The following JAZF1 variants were observed in gnomAD, a reference collection of about 807,000 sequenced individuals.
JAZF1 encodes the protein juxtaposed with another zinc finger protein 1.
JAZF1 carries 8 observed loss-of-function variants against 26.4 expected under a neutral mutation model. The ratio of observed to expected loss-of-function variants is 0.30; its 90% confidence interval spans 0.18 to 0.55. The LOEUF (loss-of-function observed/expected upper bound fraction) is 0.55. JAZF1 is among the 20% of genes least tolerant of loss of function. JAZF1 has a pLI of 0.94. For synonymous variants in JAZF1, 126 were observed against 122.3 expected (o/e 1.03, Z -0.20); for missense variants, 199 against 322.0 (o/e 0.62, Z 2.92).
Position 28,025,933 on chromosome 7 carries a change from T to C in JAZF1, c.116-33952A>G, listed in dbSNP as rs564595034. 2.6e-5 allele frequency among the ~76,000 whole-genome samples: 4 copies of C among 152,346 alleles called. No homozygotes were observed. In the East Asian group the frequency reaches 5.8e-4, roughly 22 times the overall value. The stretch of plus-strand genomic sequence containing the variant: ...GGTGCTGATAAATCAGGGTAGGTTA[T>C]ATGTCAATTAATTATAAGTAGAGGA... On this transcript the variant is annotated intron_variant, in intron 1 of 4. Coordinates refer to ENST00000283928, the MANE Select transcript of JAZF1 (RefSeq NM_175061.4).
intron 3 of JAZF1, among the ~76,000 whole-genome samples, chr7:27,851,477 C>G (rs1783149550): frequency 6.6e-6 from 1 of 152,044 alleles, no homozygotes; most frequent in Non-Finnish European, 1.5e-5. Flanking sequence ...AGTGGCACCC[C>G]ATCTCTATCA....
chr7:28,141,444 T>C (rs1401170508), intron 1 of JAZF1, among the ~76,000 whole-genome samples: 1 of 152,204 alleles, frequency 6.6e-6, no homozygotes, highest in East Asian at 1.9e-4. Flanking sequence ...GCCAGTTTTC[T>C]TGGTTAAAAA....
intron 2 of JAZF1, among the ~76,000 whole-genome samples, chr7:27,933,718 C>A (rs1468835769): frequency 6.6e-6 from 1 of 152,096 alleles, no homozygotes; most frequent in Non-Finnish European, 1.5e-5. Context: ...AACATCTTGT[C>A]CACATCAGGG....
At chr7:28,046,777 T>C (rs4327754) in intron 1 of JAZF1, among the ~76,000 whole-genome samples, 8,272 of 152,254 alleles carry the variant, frequency 0.054, 397 homozygotes, top group African/African-American at 0.12. Context: ...TCATTTGTAT[T>C]TCTTCTGTGG....
chr7:27,897,530 A>C (rs1048244416), intron 2 of JAZF1, among the ~76,000 whole-genome samples: 11 of 152,162 alleles, frequency 7.2e-5, no homozygotes, highest in African/African-American at 2.7e-4. Context: ...TGTGTCAACT[A>C]TGTTACTAGG....
chr7:28,134,171 G>C (rs1357797409), intron 1 of JAZF1, among the ~76,000 whole-genome samples: 1 of 152,094 alleles, frequency 6.6e-6, no homozygotes, highest in South Asian at 2.1e-4. Flanking sequence ...GTAACTACAT[G>C]GGATACTGCT....
At chr7:27,843,272 G>A (rs957564847) in intron 3 of JAZF1, 1 of 152,228 alleles carries the variant, frequency 6.6e-6, no homozygotes, top group African/African-American at 2.4e-5. Context: ...TTTGTCCTCT[G>A]ACAGAGAACA....
intron 3 of JAZF1, among the ~76,000 whole-genome samples, chr7:27,884,050 C>A (rs1783818296): frequency 6.6e-6 from 1 of 152,240 alleles, no homozygotes; most frequent in Non-Finnish European, 1.5e-5. Flanking sequence ...CAAAGAGTGA[C>A]TGGAAGTTGT....
chr7:28,142,864 G>A (rs558435119), intron 1 of JAZF1, among the ~76,000 whole-genome samples: 2 of 152,274 alleles, frequency 1.3e-5, no homozygotes, highest in African/African-American at 2.4e-5. Context: ...CAGTGACAAC[G>A]TGCACAACCA....
intron 1 of JAZF1, among the ~76,000 whole-genome samples, chr7:28,133,959 T>C (rs899680847): frequency 2.6e-5 from 4 of 152,240 alleles, no homozygotes; most frequent in African/African-American, 7.2e-5. Context: ...TATATGCTTA[T>C]TTCCTTCTTA....
intron 2 of JAZF1, among the ~76,000 whole-genome samples, chr7:27,934,743 T>C (rs1359179589): frequency 6.6e-6 from 1 of 152,104 alleles, no homozygotes; most frequent in East Asian, 1.9e-4. Context: ...AAACTATATA[T>C]AAAACTCTTA....
intron 3 of JAZF1, among the ~76,000 whole-genome samples, chr7:27,893,260 T>C (rs1784003174): frequency 6.6e-6 from 1 of 152,350 alleles, no homozygotes; most frequent in South Asian, 2.1e-4. Flanking sequence ...TTTTGTGAAG[T>C]TAGTATTCTG....
In JAZF1 at chr7:27,995,384, C is replaced by T. The variant is rs183586727; in HGVS notation, c.116-3403G>A. Among the ~76,000 whole-genome samples, 464 of 152,308 alleles carry T rather than the reference C, an allele frequency of 3.0e-3. 3 individuals are homozygous for T. Among genetic ancestry groups the T allele is most frequent in the African/African-American group, 0.01 (433 of 41,564 alleles). The stretch of plus-strand genomic sequence containing the variant: ...ATTGCTGTCAACAGCCACATAACAA[C>T]ATTCGACCACTTTCATATCACTAAG... On this transcript the variant is annotated intron_variant, in intron 1 of 4. Transcript: ENST00000283928.
At chr7:28,126,345 T>C (rs1173515048) in intron 1 of JAZF1, among the ~76,000 whole-genome samples, 3 of 151,972 alleles carry the variant, frequency 2.0e-5, no homozygotes, top group South Asian at 4.2e-4. Context: ...GAGAGATAAA[T>C]ACATAAATAA....
intron 1 of JAZF1, among the ~76,000 whole-genome samples, chr7:28,175,388 T>C (rs1460405265): frequency 6.6e-6 from 1 of 152,144 alleles, no homozygotes; most frequent in Admixed American, 6.5e-5. Flanking sequence ...GACAGTAGGA[T>C]TACATATTTA....
chr7:28,094,247 T>C (rs76730379), intron 1 of JAZF1, among the ~76,000 whole-genome samples: 3,063 of 152,294 alleles, frequency 0.02, 104 homozygotes, highest in African/African-American at 0.07. Context: ...AGTAAATCGT[T>C]GTCTGCCTCC....
intron 2 of JAZF1, among the ~76,000 whole-genome samples, chr7:27,974,892 T>G (rs1465340563): frequency 6.6e-6 from 1 of 151,616 alleles, no homozygotes; most frequent in Admixed American, 6.6e-5. Context: ...AGGGAGTTTT[T>G]TTTTTTTTTT....
chr7:27,844,808 C>T (rs1465173296), intron 3 of JAZF1, among the ~76,000 whole-genome samples: 1 of 152,230 alleles, frequency 6.6e-6, no homozygotes. Context: ...ACATCACAGT[C>T]TGCACTGAGG....
chr7:28,087,340 C>A (rs1784227059), intron 1 of JAZF1, among the ~76,000 whole-genome samples: 1 of 151,758 alleles, frequency 6.6e-6, no homozygotes, highest in Non-Finnish European at 1.5e-5. Context: ...AAATCATATT[C>A]CATTTAATTT....
Sources: allele counts gnomAD v4.1 joint callset (sites outside exome capture counted in the v4.1 genomes callset), GRCh38; gene constraint gnomAD v4.1.1; transcripts MANE v1.5; gene names NCBI Gene and HGNC (gene_info 2026-07-23, HGNC 2026-07-21).